Variants in DNASE1L3 observed in about 807,000 individuals in gnomAD.
The protein encoded by DNASE1L3 is deoxyribonuclease gamma.
DNASE1L3 carries 27 observed loss-of-function variants against 30.9 expected under a neutral mutation model. That is an observed-to-expected ratio of 0.87 (90% CI 0.64 to 1.20). The LOEUF (loss-of-function observed/expected upper bound fraction) is 1.20. Among genes scored for constraint, DNASE1L3 ranks in the 50% most tolerant of loss-of-function variants. DNASE1L3 has a pLI of 0.00. For missense variants in DNASE1L3, 364 were observed against 378.2 expected, an observed-to-expected ratio of 0.96 and a Z score of 0.31; for synonymous variants, 135 against 138.0, an observed-to-expected ratio of 0.98 and a Z score of 0.15.
At position 58,200,912 on chromosome 3, in the gene DNASE1L3, C is replaced by G. The variant is rs937637821; in HGVS notation, c.546+85G>C. On this transcript the variant is annotated intron_variant, in intron 5 of 7. Coordinates refer to ENST00000394549, the MANE Select transcript of DNASE1L3 (RefSeq NM_004944.4). This position sits in a 1 kb window ranked among gnomAD's most constrained non-coding sequence, Gnocchi z 4.2. ...AGCCTGCACATGCCCTTCCTCCTCC[C>G]CCTCCCTGGAGAGGTACTCATCCCA... is the stretch of plus-strand genomic sequence containing the variant. 3.8e-6 allele frequency: 4 copies of G among 1,057,726 alleles called. No individual in the cohort carries two copies. The highest frequency in any genetic ancestry group is 4.2e-5 in the Admixed American group (2 of 47,724). The allele number at this position is 1,057,726 out of a possible 1,614,324, so 65.5% of individuals were successfully genotyped here. A position where few individuals can be genotyped will look rare whatever the true frequency, so the allele number is the denominator to read the frequency against.
intron 2 of DNASE1L3, among the ~76,000 whole-genome samples, chr3:58,207,279 G>C (rs369171833): frequency 6.6e-6 from 1 of 152,104 alleles, no homozygotes; most frequent in South Asian, 2.1e-4. Flanking sequence ...GGCTGAGGCA[G>C]GAGAATCACT....
At chr3:58,195,541 G>A (rs1414357226) in intron 6 of DNASE1L3, among the ~76,000 whole-genome samples, 1 of 146,350 alleles carries the variant, frequency 6.8e-6, no homozygotes, top group Non-Finnish European at 1.5e-5. Context: ...GCCAAAGCAG[G>A]CGGATCACCT....
At chr3:58,199,526 C>T (rs2097399312) in intron 5 of DNASE1L3, among the ~76,000 whole-genome samples, 1 of 152,310 alleles carries the variant, frequency 6.6e-6, no homozygotes, top group East Asian at 1.9e-4. Context: ...AAAAATTAGC[C>T]AGGCGTGGTG....
intron 2 of DNASE1L3, among the ~76,000 whole-genome samples, chr3:58,207,467 C>T (rs2097404880): frequency 7.5e-6 from 1 of 134,038 alleles, no homozygotes; most frequent in Non-Finnish European, 1.6e-5. Flanking sequence ...CCAGAAGTAA[C>T]CACTATTAAT....
At chr3:58,195,613 CAAAAAAAAAA>C (rs34773952) in intron 6 of DNASE1L3, among the ~76,000 whole-genome samples, 1,387 of 38,460 alleles carry the variant, frequency 0.036, 35 homozygotes, top group Middle Eastern at 0.17. Context: ...ACTAAAATTA[CAAAAAAAAAA>C]AAAAAAAAAA....
intron 5 of DNASE1L3, 60 bp from the exon 6 acceptor site, chr3:58,198,038 T>G: frequency 6.5e-7 from 1 of 1,544,784 alleles, no homozygotes; most frequent in Non-Finnish European, 8.8e-7. Flanking sequence ...GCTTTCACAC[T>G]GGACTCTAGC....
In DNASE1L3 at chr3:58,197,619, A is replaced by C. The variant is rs569904101; in HGVS notation, c.704+202T>G. On this transcript the variant is annotated intron_variant, in intron 6 of 7. Transcript: ENST00000394549. This position sits in a 1 kb window ranked among gnomAD's most constrained non-coding sequence, Gnocchi z 5.3. ...AGGTGTGTGCCACCATGCCTGGCTA[A>C]TTTTTGTATTTTTTGTAGAGACGGG... Among the ~76,000 whole-genome samples the C allele has an allele frequency of 1.3e-5, 2 of 152,020 alleles. No individual in the cohort carries two copies. The highest frequency in any genetic ancestry group is 2.4e-5 in the African/African-American group (1 of 41,466).
At position 58,197,988 on chromosome 3, in the gene DNASE1L3, A is replaced by G. The variant is rs751222770; in HGVS notation, c.547-10T>C. The G allele has an allele frequency of 2.5e-6, 4 of 1,600,668 alleles. No homozygotes were observed. In the East Asian group the frequency reaches 6.7e-5, roughly 27 times the overall value. On this transcript the variant is annotated splice_polypyrimidine_tract_variant and intron_variant, in intron 5 of 7. Coordinates refer to ENST00000394549, the MANE Select transcript of DNASE1L3 (RefSeq NM_004944.4). The surrounding 1 kb of genome is among the most constrained non-coding windows in gnomAD (Gnocchi z 5.3). The stretch of plus-strand genomic sequence containing the variant: ...CCATGAAAATGAAATTCTAAAAGAC[A>G]AGATTTGGAACTGTCACCTGGTGGG...
intron 5 of DNASE1L3, among the ~76,000 whole-genome samples, chr3:58,198,510 A>C (rs111375833): frequency 0.017 from 2,541 of 152,258 alleles, 36 homozygotes; most frequent in Non-Finnish European, 0.024. Flanking sequence ...GGTCTTTAAA[A>C]ATTTCTTTTT....
At chr3:58,208,619 G>C (rs1317366958) in intron 1 of DNASE1L3, among the ~76,000 whole-genome samples, 1 of 152,048 alleles carries the variant, frequency 6.6e-6, no homozygotes, top group Non-Finnish European at 1.5e-5. Context: ...ACAATATCCT[G>C]CCTCTTGGCT....
chr3:58,204,651 G>A (rs2097402813), intron 4 of DNASE1L3, 118 bp downstream of exon 4: 2 of 763,506 alleles, frequency 2.6e-6, no homozygotes, highest in Admixed American at 5.2e-5. Flanking sequence ...TGAAGTATTA[G>A]AAGCAATGCA....
chr3:58,199,556 G>A (rs570326095), intron 5 of DNASE1L3, among the ~76,000 whole-genome samples: 1 of 152,166 alleles, frequency 6.6e-6, no homozygotes, highest in East Asian at 1.9e-4. Flanking sequence ...TGTAATCCCA[G>A]CTACTCGGGA....
chr3:58,210,730 GGT>G, intron 1 of DNASE1L3, 34 bp downstream of exon 1: 1 of 1,613,496 alleles, frequency 6.2e-7, no homozygotes, highest in Non-Finnish European at 8.5e-7. Flanking sequence ...GGGTGTGAGG[GGT>G]GTCTGGGATC....
chr3:58,196,644 G>T (rs1179209704), intron 6 of DNASE1L3, among the ~76,000 whole-genome samples: 3 of 150,980 alleles, frequency 2.0e-5, no homozygotes, highest in Non-Finnish European at 4.4e-5. Context: ...ACACTTCCTC[G>T]TGGCAGGCTG....
In DNASE1L3 at chr3:58,200,556, T is replaced by C. The variant is rs1036216175; in HGVS notation, c.546+441A>G. Among the ~76,000 whole-genome samples, 3 of 152,116 alleles carry C rather than the reference T, an allele frequency of 2.0e-5. No individual in the cohort carries two copies. The highest frequency in any genetic ancestry group is 7.2e-5 in the African/African-American group (3 of 41,420). ...TCAGTTACACAAACCAATCAATTGC[T>C]CCTTTTTTTCATGAGCCATGTTAAG... On this transcript the variant is annotated intron_variant, in intron 5 of 7. Coordinates refer to ENST00000394549, the MANE Select transcript of DNASE1L3 (RefSeq NM_004944.4). The surrounding 1 kb of genome is among the most constrained non-coding windows in gnomAD (Gnocchi z 4.2).
At chr3:58,202,318 T>A (rs913283071) in intron 4 of DNASE1L3, among the ~76,000 whole-genome samples, 5 of 6,268 alleles carry the variant, frequency 8.0e-4, no homozygotes, top group African/African-American at 1.7e-3. Context: ...GCTAGCTTTG[T>A]TTTTTTTTTT....
chr3:58,208,136 C>T, intron 2 of DNASE1L3, 82 bp downstream of exon 2: 2 of 1,370,030 alleles, frequency 1.5e-6, no homozygotes, highest in Non-Finnish European at 2.1e-6. Flanking sequence ...CGGGATCTCA[C>T]ATTACTTTCA....
chr3:58,206,272 CA>C (rs984354116), intron 2 of DNASE1L3, among the ~76,000 whole-genome samples: 14 of 152,102 alleles, frequency 9.2e-5, no homozygotes, highest in African/African-American at 3.4e-4. Flanking sequence ...TATCTGCTCA[CA>C]AAAAGATCTA....
chr3:58,199,440 C>T (rs1475997647), intron 5 of DNASE1L3, among the ~76,000 whole-genome samples: 3 of 152,062 alleles, frequency 2.0e-5, no homozygotes, highest in African/African-American at 2.4e-5. Context: ...GAAGCCGAGG[C>T]GGGTGGATCA....
Sources: allele counts gnomAD v4.1 joint callset (sites outside exome capture counted in the v4.1 genomes callset), GRCh38; gene constraint gnomAD v4.1.1; non-coding constraint Gnocchi (gnomAD v3.1); transcripts MANE v1.5; gene names NCBI Gene and HGNC (gene_info 2026-07-23, HGNC 2026-07-21).